Variants in EVC observed in about 807,000 individuals in gnomAD.
EVC encodes evC complex member EVC.
Under a neutral mutation model 118.9 loss-of-function variants are expected in EVC, and 116 were observed. The observed-to-expected ratio is 0.98, with a 90% confidence interval of 0.84 to 1.14. The LOEUF (loss-of-function observed/expected upper bound fraction) is 1.14, where lower values mean the gene tolerates loss of function less well. EVC is among the 50% of genes most tolerant of loss of function. The pLI, the probability that EVC is intolerant of heterozygous loss-of-function variation, is 0.00. For synonymous variants in EVC, 619 were observed against 534.7 expected, an observed-to-expected ratio of 1.16 and a Z score of -2.18; for missense variants, 1,401 against 1,246.4, an observed-to-expected ratio of 1.12 and a Z score of -1.87.
intron 13 of EVC, among the ~76,000 whole-genome samples, chr4:5,795,378 GTGGTGGCTTACATC>G (rs1713751682): frequency 6.6e-6 from 1 of 152,156 alleles, no homozygotes; most frequent in Non-Finnish European, 1.5e-5. Flanking sequence ...GAGGCTGGGT[GTGGTGGCTTACATC>G]TGTAATCCCA....
At chr4:5,740,471 AAAAAAAAAAAAAAAAAG>A in intron 5 of EVC, among the ~76,000 whole-genome samples, 1 of 50,476 alleles carries the variant, frequency 2.0e-5, no homozygotes, top group South Asian at 6.9e-4. Context: ...ACTCCATCTC[AAAAAAAAAAAAAAAAAG>A]AAAAAGAAAA....
intron 12 of EVC, among the ~76,000 whole-genome samples, chr4:5,787,196 T>C (rs111824101): frequency 0.013 from 1,905 of 152,362 alleles, 39 homozygotes; most frequent in African/African-American, 0.043. Flanking sequence ...TCTGCTCTAA[T>C]GCAGATTTCT....
rs1168505398 is a variant in EVC, at chr4:5,766,067, C to T, written c.1563+9705C>T. ...CGGTTGTTCCTTTCCATGTTTAGCG[C>T]TTCCTTCAGGAGCTCTTTTAGGGCA... On this transcript the variant is annotated intron_variant, in intron 11 of 20. Transcript: ENST00000264956. Among the ~76,000 whole-genome samples, 182 of 135,404 alleles carry T rather than the reference C, an allele frequency of 1.3e-3. 2 individuals carry two copies. The highest frequency in any genetic ancestry group is 3.9e-3 in the Admixed American group (54 of 13,942). 88.8% of individuals were successfully genotyped at this position (135,404 alleles called of 152,430 possible).
intron 7 of EVC, among the ~76,000 whole-genome samples, chr4:5,747,453 T>G (rs527916969): frequency 6.6e-6 from 1 of 152,248 alleles, no homozygotes; most frequent in South Asian, 2.1e-4. Context: ...TTCCTACACC[T>G]CTAGATACAT....
chr4:5,769,151 CACGTG>C (rs1733529807), intron 11 of EVC, among the ~76,000 whole-genome samples: 1 of 124,352 alleles, frequency 8.0e-6, no homozygotes, highest in Non-Finnish European at 1.8e-5. Context: ...CTCACAGTTC[CACGTG>C]GCTGGGGAGG....
chr4:5,793,465 G>A (rs913825806), intron 12 of EVC, 143 bp from the exon 13 acceptor site: 2 of 773,358 alleles, frequency 2.6e-6, no homozygotes, highest in Non-Finnish European at 4.5e-6. Flanking sequence ...GAAAATACAA[G>A]AGAAAATGTT....
At chr4:5,770,168 A>G (rs1733722145) in intron 11 of EVC, among the ~76,000 whole-genome samples, 1 of 152,084 alleles carries the variant, frequency 6.6e-6, no homozygotes, top group Non-Finnish European at 1.5e-5. Context: ...ACAGAGTGTC[A>G]CCAAGCAGGG....
intron 11 of EVC, among the ~76,000 whole-genome samples, chr4:5,783,214 G>A (rs568887553): frequency 1.3e-5 from 2 of 152,182 alleles, no homozygotes; most frequent in African/African-American, 4.8e-5. Context: ...TGGATCAAAT[G>A]TGAACGAAAG....
At chr4:5,806,226 C>T (rs1168386210) in intron 17 of EVC, among the ~76,000 whole-genome samples, 5 of 151,848 alleles carry the variant, frequency 3.3e-5, no homozygotes, top group African/African-American at 7.3e-5. Context: ...ATTACAGGCG[C>T]GCACCACCAT....
intron 11 of EVC, among the ~76,000 whole-genome samples, chr4:5,780,899 C>A (rs758599452): frequency 6.6e-6 from 1 of 152,220 alleles, no homozygotes. Context: ...AAACCAGGCA[C>A]AAGTTTCCAG....
intron 11 of EVC, among the ~76,000 whole-genome samples, chr4:5,775,405 C>G (rs961604090): frequency 6.6e-5 from 10 of 152,122 alleles, no homozygotes; most frequent in Non-Finnish European, 1.3e-4. Flanking sequence ...CCTCCCTGCT[C>G]CCAGGAGCCA....
In EVC at chr4:5,745,245, A is replaced by G. The variant is rs2152027396; in HGVS notation, c.843A>G (p.Ser281=). 3 of 1,614,060 alleles carry G rather than the reference A, an allele frequency of 1.9e-6. No homozygotes were observed. The highest frequency in any genetic ancestry group is 2.5e-6 in the Non-Finnish European group (3 of 1,179,952). ...ELEKGLQVKL[S]NTEMSGAGDS... Reference sequence around the variant, plus strand: ...AAAAGGGACTTCAGGTCAAACTGTCAAACACAGAAATGTCGGGGGCTGGTG... The same window carrying G: ...AAAAGGGACTTCAGGTCAAACTGTCGAACACAGAAATGTCGGGGGCTGGTG... The change falls in exon 7 of 21, where the codon TCA becomes TCG. Residue 281 remains serine (S), a synonymous_variant. Transcript: ENST00000264956.
At chr4:5,822,210 A>G in the EVC span, among the ~76,000 whole-genome samples, 1 of 152,234 alleles carries the variant, frequency 6.6e-6, no homozygotes, top group Non-Finnish European at 1.5e-5. Context: ...GCACACAATC[A>G]TACTATGAAG....
At chr4:5,728,124 C>A (rs1175188170) in intron 2 of EVC, among the ~76,000 whole-genome samples, 1 of 152,100 alleles carries the variant, frequency 6.6e-6, no homozygotes, top group Non-Finnish European at 1.5e-5. Context: ...TCATTGGCTG[C>A]TTGTTGGGGA....
At chr4:5,808,681 A>C (rs1716408025) in intron 18 of EVC, among the ~76,000 whole-genome samples, 2 of 152,234 alleles carry the variant, frequency 1.3e-5, no homozygotes, top group African/African-American at 4.8e-5. Context: ...CCTCTGTGTC[A>C]CTCAGGCAGT....
At chr4:5,717,623 G>A (rs775663898) in intron 1 of EVC, among the ~76,000 whole-genome samples, 3 of 151,924 alleles carry the variant, frequency 2.0e-5, no homozygotes, top group Non-Finnish European at 2.9e-5. Context: ...CAAGACCCAC[G>A]ACAGACTGCT....
rs1560307978 is a variant in EVC, at chr4:5,737,841, A to G, written c.703-3875A>G. On this transcript the variant is annotated intron_variant, in intron 5 of 20. Transcript: ENST00000264956. This position sits in a 1 kb window ranked among gnomAD's most constrained non-coding sequence, Gnocchi z 5.0. ...TCATTTTCATGCCTGCTAACACAAC[A>G]TTCATTCTGAGCCTATTGATTAAAG... is the stretch of plus-strand genomic sequence containing the variant. Among the ~76,000 whole-genome samples the G allele has an allele frequency of 2.0e-5, 3 of 152,218 alleles. No homozygotes were observed. Among genetic ancestry groups the G allele is most frequent in the Non-Finnish European group, 4.4e-5 (3 of 68,044 alleles).
rs371051279 is a variant in EVC at position 5,789,910 on chromosome 4, G to A, written c.1777-3698G>A. On this transcript the variant is annotated intron_variant, in intron 12 of 20. Transcript: ENST00000264956. The surrounding 1 kb of genome is among the most constrained non-coding windows in gnomAD (Gnocchi z 4.3). ...AAAGAATCAAGACTGGCCAAGCATG[G>A]TGGATCACGCCTGTAATCCCAGCAC... Among the ~76,000 whole-genome samples, 58 of 152,258 alleles carry A rather than the reference G, an allele frequency of 3.8e-4. No homozygotes were observed. The highest frequency in any genetic ancestry group is 1.3e-3 in the African/African-American group (54 of 41,548).
In EVC at chr4:5,771,939, C is replaced by G. The variant is rs190570092; in HGVS notation, c.1564-11613C>G. 4.5e-3 allele frequency among the ~76,000 whole-genome samples: 682 copies of G among 151,820 alleles called. 7 individuals are homozygous for G. Among genetic ancestry groups the G allele is most frequent in the African/African-American group, 0.016 (653 of 41,348 alleles). ...ATTTTGAGACGTCTCACTCTGTCGCCCAGGCTGGAGTGCAGTGACATGATC... is the reference window on the plus strand; with the variant it reads ...ATTTTGAGACGTCTCACTCTGTCGCGCAGGCTGGAGTGCAGTGACATGATC... On this transcript the variant is annotated intron_variant, in intron 11 of 20. Transcript: ENST00000264956.
Sources: gnomAD v4.1 joint callset for allele counts (sites outside exome capture counted in the v4.1 genomes callset) on GRCh38, gnomAD v4.1.1 for gene constraint, Gnocchi (gnomAD v3.1) non-coding constraint, MANE v1.5 for transcripts, NCBI Gene and HGNC (gene_info 2026-07-23, HGNC 2026-07-21) for gene names.